The following FNDC1 variants were observed in gnomAD, a reference collection of about 807,000 sequenced individuals.
FNDC1 encodes the protein fibronectin type III domain containing 1.
In FNDC1, 96 loss-of-function variants were observed where a neutral mutation model predicts 168.0. That is an observed-to-expected ratio of 0.57 (90% CI 0.48 to 0.68). The LOEUF is 0.68. Ranked by LOEUF, FNDC1 falls within the 30% of genes least tolerant of loss-of-function variation. The pLI is 0.00. For synonymous variants in FNDC1, 1,099 were observed against 1,025.9 expected (o/e 1.07, Z -1.36); for missense variants, 2,587 against 2,482.1 (o/e 1.04, Z -0.90).
intron 1 of FNDC1, among the ~76,000 whole-genome samples, chr6:159,173,196 C>T (rs929199921): frequency 2.0e-5 from 3 of 152,124 alleles, no homozygotes; most frequent in African/African-American, 4.8e-5. Flanking sequence ...CTGGTATATA[C>T]GGAGGGAAGT....
chr6:159,210,051 C>T (rs866785934), intron 4 of FNDC1, among the ~76,000 whole-genome samples: 13 of 152,210 alleles, frequency 8.5e-5, no homozygotes, highest in Non-Finnish European at 1.3e-4. Context: ...ATGGTGCTGA[C>T]GCCCTCTGAA....
At position 159,232,963 on chromosome 6, in the gene FNDC1, C is replaced by T; in HGVS notation, c.2451C>T (p.Phe817=). 1.2e-6 allele frequency: 2 copies of T among 1,611,520 alleles called. No homozygotes were observed. Among genetic ancestry groups the T allele is most frequent in the South Asian group, 2.2e-5 (2 of 90,836 alleles). The part of the protein sequence containing the change: ...TLRARPASGH[F]HLLRHKPFAA... Reference sequence around the variant, plus strand: ...GGGCCCGGCCTGCCTCTGGACACTTCCATTTGCTCAGACACAAACCCTTTG... The same window carrying T: ...GGGCCCGGCCTGCCTCTGGACACTTTCATTTGCTCAGACACAAACCCTTTG... Residue 817 remains phenylalanine, a synonymous_variant, in exon 11 of 23, where the codon TTC becomes TTT. Coordinates refer to ENST00000297267, the MANE Select transcript of FNDC1 (RefSeq NM_032532.3). The surrounding 1 kb of genome is among the most constrained non-coding windows in gnomAD (Gnocchi z 4.9).
In FNDC1 at chr6:159,233,804, G is replaced by T; in HGVS notation, c.3292G>T (p.Ala1098Ser). The T allele has an allele frequency of 6.5e-7, 1 of 1,536,970 alleles. No homozygotes were observed. The highest frequency in any genetic ancestry group is 1.2e-5 in the South Asian group (1 of 82,224). The change falls in exon 11 of 23, where the codon GCG becomes TCG. Residue 1098 changes from alanine to serine, a missense_variant. Ala to Ser is a moderately conservative substitution (Grantham distance 99, BLOSUM62 1). Coordinates refer to ENST00000297267, the MANE Select transcript of FNDC1 (RefSeq NM_032532.3). This position sits in a 1 kb window ranked among gnomAD's most constrained non-coding sequence, Gnocchi z 4.6. ...GGATGTGCGGGCCCCCGCGCACGCC[G>T]CGCGCGCCAAGGAGGCAGCTGCGTC... is the stretch of plus-strand genomic sequence containing the variant. ...AQDVRAPAHA[A>S]RAKEAAASLP... is the part of the protein sequence containing the mutation.
intron 14 of FNDC1, among the ~76,000 whole-genome samples, chr6:159,245,546 TC>T (rs1452265031): frequency 2.0e-5 from 3 of 152,182 alleles, no homozygotes; most frequent in African/African-American, 7.2e-5. Context: ...TGAGATGTTC[TC>T]CTTTTTACAG....
At chr6:159,226,897 G>A (rs7757530) in intron 9 of FNDC1, among the ~76,000 whole-genome samples, 23,339 of 152,122 alleles carry the variant, frequency 0.15, 2,227 homozygotes, top group East Asian at 0.35. Flanking sequence ...GGGTCTTTTC[G>A]TTGTGCTAGG....
rs561399894 is a variant in FNDC1 at position 159,267,988 on chromosome 6, G to A, written c.5569+62G>A. The stretch of plus-strand genomic sequence containing the variant: ...GGTGGGAGACAAGGATTAATAGAGG[G>A]GGAAAATCCACAGTAGGTCTGCCTT... On this transcript the variant is annotated intron_variant, in intron 22 of 22. Coordinates refer to ENST00000297267, the MANE Select transcript of FNDC1 (RefSeq NM_032532.3). 57 of 1,545,646 alleles carry A rather than the reference G, an allele frequency of 3.7e-5. 2 individuals carry two copies. In the South Asian group the frequency reaches 6.7e-4, roughly 18 times the overall value.
At chr6:159,179,659 G>C (rs1174885869) in intron 1 of FNDC1, among the ~76,000 whole-genome samples, 1 of 152,044 alleles carries the variant, frequency 6.6e-6, no homozygotes, top group African/African-American at 2.4e-5. Flanking sequence ...ATATTTTACT[G>C]GCTTACTTGA....
rs1357400372 is a variant in FNDC1 at position 159,234,533 on chromosome 6, C to G, written c.3967+54C>G. 5.8e-6 allele frequency: 9 copies of G among 1,553,956 alleles called. No individual in the cohort carries two copies. In the African/African-American group the frequency reaches 1.1e-4, roughly 19 times the overall value. On this transcript the variant is annotated intron_variant, in intron 11 of 22. Coordinates refer to ENST00000297267, the MANE Select transcript of FNDC1 (RefSeq NM_032532.3). ...TTAAGGTGTTCAGTGGTGTTCATGGCAATGCCTAAGAAGTTTTTATTCTAT... is the reference window on the plus strand; with the variant it reads ...TTAAGGTGTTCAGTGGTGTTCATGGGAATGCCTAAGAAGTTTTTATTCTAT...
intron 6 of FNDC1, among the ~76,000 whole-genome samples, chr6:159,222,522 A>G (rs1782850099): frequency 6.6e-6 from 1 of 152,230 alleles, no homozygotes; most frequent in South Asian, 2.1e-4. Flanking sequence ...ACAAAAAACT[A>G]AAACAAACAA....
Position 159,233,444 on chromosome 6 carries a change from C to T in FNDC1, c.2932C>T (p.Pro978Ser). The change falls in exon 11 of 23, where the codon CCT becomes TCT. Residue 978 changes from proline (P) to serine (S), a missense_variant. Coordinates refer to ENST00000297267, the MANE Select transcript of FNDC1 (RefSeq NM_032532.3). This position sits in a 1 kb window ranked among gnomAD's most constrained non-coding sequence, Gnocchi z 4.6. Reference sequence around the variant, plus strand: ...AGGGTCCACAGACCGCCACGCGTCCCCTGCTCGTCCGCCCGCAGCACGGTC... The same window carrying T: ...AGGGTCCACAGACCGCCACGCGTCCTCTGCTCGTCCGCCCGCAGCACGGTC... ...QPGSTDRHAS[P>S]ARPPAARSQQ... The T allele has an allele frequency of 3.1e-6, 5 of 1,609,462 alleles. No individual in the cohort carries two copies. The highest frequency in any genetic ancestry group is 1.3e-5 in the African/African-American group (1 of 75,012).
chr6:159,208,455 C>T (rs1194565905), intron 4 of FNDC1, among the ~76,000 whole-genome samples: 2 of 152,188 alleles, frequency 1.3e-5, no homozygotes, highest in African/African-American at 4.8e-5. Context: ...ACTGTAGAAC[C>T]TCTTAATTCT....
In FNDC1 at chr6:159,249,078, A is replaced by G. The variant is rs1297935530; in HGVS notation, c.4730A>G (p.Glu1577Gly). 1 of 1,604,540 alleles carries G rather than the reference A, an allele frequency of 6.2e-7. No homozygotes were observed. Among genetic ancestry groups the G allele is most frequent in the Non-Finnish European group, 8.5e-7 (1 of 1,175,418 alleles). Residue 1577 changes from glutamate (E) to glycine (G), a missense_variant, in exon 16 of 23, where the codon GAG (glutamate) becomes GGG (glycine). Coordinates refer to ENST00000297267, the MANE Select transcript of FNDC1 (RefSeq NM_032532.3). ...FETSRPPTTTEPSTTATTPRV... is the reference protein window; with the variant it reads ...FETSRPPTTTGPSTTATTPRV... The stretch of plus-strand genomic sequence containing the variant: ...ACGTCAAGGCCACCAACCACCACTG[A>G]GCCTTCGACCACTGCTACCACACCG...
At chr6:159,263,729 T>C (rs1477856146) in intron 19 of FNDC1, among the ~76,000 whole-genome samples, 1 of 152,134 alleles carries the variant, frequency 6.6e-6, no homozygotes, top group Non-Finnish European at 1.5e-5. Flanking sequence ...GCCACTGCAC[T>C]CCAGCCTGGG....
chr6:159,266,450 G>T (rs577348730), intron 21 of FNDC1, among the ~76,000 whole-genome samples: 11 of 152,166 alleles, frequency 7.2e-5, no homozygotes, highest in Non-Finnish European at 1.3e-4. Context: ...TATTTTAAAA[G>T]GTTTACTATG....
At chr6:159,231,653 TTC>T (rs1274301313) in intron 10 of FNDC1, among the ~76,000 whole-genome samples, 2 of 152,234 alleles carry the variant, frequency 1.3e-5, no homozygotes, top group Non-Finnish European at 2.9e-5. Flanking sequence ...AGAGATTCAA[TTC>T]ACTTATATTT....
At chr6:159,180,093 G>A (rs1781848823) in intron 1 of FNDC1, among the ~76,000 whole-genome samples, 1 of 152,154 alleles carries the variant, frequency 6.6e-6, no homozygotes, top group Non-Finnish European at 1.5e-5. Flanking sequence ...CAACAGAAAT[G>A]TATTATCTTG....
chr6:159,234,357 C>T lies in FNDC1; in HGVS notation c.3845C>T (p.Thr1282Ile), dbSNP rs201989593. Residue 1282 changes from threonine (T) to isoleucine (I), a missense_variant, in exon 11 of 23, where the codon ACC becomes ATC. By Grantham distance (89) the Thr-to-Ile change is moderately conservative. Coordinates refer to ENST00000297267, the MANE Select transcript of FNDC1 (RefSeq NM_032532.3). Reference sequence around the variant, plus strand: ...GGCACCCACCCCTGGCCGCAGTACACCACGCGCGCCCCACCTGGCCACTTC... The same window carrying T: ...GGCACCCACCCCTGGCCGCAGTACATCACGCGCGCCCCACCTGGCCACTTC... The part of the protein sequence containing the change: ...VAGTHPWPQY[T>I]TRAPPGHFST... 1.2e-6 allele frequency: 2 copies of T among 1,612,072 alleles called. No individual in the cohort carries two copies. The highest frequency in any genetic ancestry group is 2.7e-5 in the African/African-American group (2 of 74,998).
rs775787076 is a variant in FNDC1, at chr6:159,229,941, G to A, written c.1307G>A (p.Arg436Gln). The A allele has an allele frequency of 9.9e-6, 16 of 1,613,716 alleles. No individual in the cohort carries two copies. Among genetic ancestry groups the A allele is most frequent in the Admixed American group, 8.3e-5 (5 of 59,984 alleles). ...QPGERYLFKI[R>Q]ATNRRGLGPH... ...GGGGAACGCTATCTTTTCAAAATCC[G>A]GGCCACAAACAGGAGAGGCCTGGGA... The change falls in exon 10 of 23, where the codon CGG (arginine) becomes CAG (glutamine). Residue 436 changes from arginine to glutamine, a missense_variant. Coordinates refer to ENST00000297267, the MANE Select transcript of FNDC1 (RefSeq NM_032532.3).
chr6:159,271,752 G>T lies in FNDC1; in HGVS notation c.*310G>T. 1.2e-5 allele frequency: 3 copies of T among 246,666 alleles called. No individual in the cohort carries two copies. In the South Asian group the frequency reaches 1.7e-4, roughly 14 times the overall value. The allele number at this position is 246,666 out of a possible 1,614,324, so 15.3% of individuals were successfully genotyped here. A position where few individuals can be genotyped will look rare whatever the true frequency, so the allele number is the denominator to read the frequency against. ...TCAGTGTGATTTCCAGACTTTTTAG[G>T]CATGAAATTCGGACACTTCAGTATT... On this transcript the variant is annotated 3_prime_UTR_variant, in exon 23 of 23. Coordinates refer to ENST00000297267, the MANE Select transcript of FNDC1 (RefSeq NM_032532.3).
Sources: gnomAD v4.1 joint callset for allele counts (sites outside exome capture counted in the v4.1 genomes callset) on GRCh38, gnomAD v4.1.1 for gene constraint, Gnocchi (gnomAD v3.1) non-coding constraint, MANE v1.5 for transcripts, NCBI Gene and HGNC (gene_info 2026-07-23, HGNC 2026-07-21) for gene names.